KIF7: variants seen among roughly 807,000 people sequenced by gnomAD.
KIF7 encodes kinesin-like protein KIF7.
In KIF7, 104 loss-of-function variants were observed where a neutral mutation model predicts 135.7. The observed-to-expected ratio is 0.77, with a 90% CI of 0.65 to 0.90. The LOEUF is 0.90. Ranked by LOEUF, KIF7 falls within the 40% of genes least tolerant of loss-of-function variation. The pLI is 0.00. For missense variants in KIF7, 2,005 were observed against 1,839.1 expected (o/e 1.09, Z -1.65); for synonymous variants, 883 against 809.4 (o/e 1.09, Z -1.54).
chr15:89,631,464 C>T (rs1252010595), intron 15 of KIF7, 31 bp downstream of exon 15: 8 of 1,533,696 alleles, frequency 5.2e-6, no homozygotes, highest in Non-Finnish European at 7.1e-6. Flanking sequence ...ACAATGGCAC[C>T]AAGGGGCTGA....
rs375802364 is a variant in KIF7, at chr15:89,630,380, C to G, written c.3225G>C (p.Ser1075=). 1.2e-6 allele frequency: 2 copies of G among 1,614,026 alleles called. No individual in the cohort carries two copies. Among genetic ancestry groups the G allele is most frequent in the Non-Finnish European group, 1.7e-6 (2 of 1,179,968 alleles). The change falls in exon 16 of 19, where the codon TCG becomes TCC. Residue 1075 remains serine, a synonymous_variant. Transcript: ENST00000394412. ...GGTTCATCTCGCACTGGGACAGCAACGAGGCTGAGGCCCGAAGCACCCGCT... is the reference window on the plus strand; with the variant it reads ...GGTTCATCTCGCACTGGGACAGCAAGGAGGCTGAGGCCCGAAGCACCCGCT... The part of the protein sequence containing the change: ...CRQRVLRASA[S]LLSQCEMNLM...
downstream of KIF7, among the ~76,000 whole-genome samples, chr15:89,626,765 G>A (rs141295462): frequency 1.2e-4 from 18 of 152,262 alleles, no homozygotes; most frequent in African/African-American, 3.9e-4. Flanking sequence ...CTGCCAGCAC[G>A]GTGCATAGCT....
At position 89,648,249 on chromosome 15, in the gene KIF7, G is replaced by T. The variant is rs1320572980; in HGVS notation, c.1443+6C>A. On this transcript the variant is annotated splice_donor_region_variant and intron_variant, in intron 5 of 18. Transcript: ENST00000394412. ...CAACCACAACCACAACCTGTCCCTCGGCCACCTTTCGCCCGCCGGCCCCCT... is the reference window on the plus strand; with the variant it reads ...CAACCACAACCACAACCTGTCCCTCTGCCACCTTTCGCCCGCCGGCCCCCT... 1 of 1,511,882 alleles carries T rather than the reference G, an allele frequency of 6.6e-7. No homozygotes were observed. Among genetic ancestry groups the T allele is most frequent in the South Asian group, 1.2e-5 (1 of 82,800 alleles). The allele number at this position is 1,511,882 out of a possible 1,614,324, so 93.7% of individuals were successfully genotyped here. A position where few individuals can be genotyped will look rare whatever the true frequency, so the allele number is the denominator to read the frequency against.
At chr15:89,624,309 T>G (rs1169496831), downstream of KIF7, 1 of 1,614,202 alleles carries the variant, frequency 6.2e-7, no homozygotes, top group South Asian at 1.1e-5. Context: ...TAGAGTGTCC[T>G]TCCCCAGGAG....
chr15:89,623,757 G>T, downstream of KIF7: 4 of 1,613,934 alleles, frequency 2.5e-6, 1 homozygote, highest in South Asian at 4.4e-5. Context: ...CCCCTACAAA[G>T]CAGGCAGCTT....
intron 11 of KIF7, among the ~76,000 whole-genome samples, chr15:89,638,051 C>T (rs1242304791): frequency 9.5e-6 from 1 of 105,480 alleles, no homozygotes. Flanking sequence ...AGCATATAAA[C>T]AGAACCAAAG....
chr15:89,648,338 G>A lies in KIF7; in HGVS notation c.1360C>T (p.Leu454=), dbSNP rs794727743. ...LCAVEGERSA[L]SSASGPDSGI... is the part of the protein sequence containing the mutation. ...CTATCGGGCCCGGAGGCGGAGCTCA[G>A]GGCGCTGCGCTCGCCCTCGACGGCG... Residue 454 remains leucine (L), a synonymous_variant, in exon 5 of 19, where the codon CTG becomes TTG. Transcript: ENST00000394412. The A allele has an allele frequency of 4.0e-6, 6 of 1,491,454 alleles. No homozygotes were observed. The highest frequency in any genetic ancestry group is 5.4e-6 in the Non-Finnish European group (6 of 1,120,722). 92.4% of individuals were successfully genotyped at this position (1,491,454 alleles called of 1,614,324 possible).
chr15:89,642,160 C>A, intron 11 of KIF7, 43 bp downstream of exon 11: 1 of 1,589,326 alleles, frequency 6.3e-7, no homozygotes. Flanking sequence ...GCCTAGGAGG[C>A]AGGAGTCACC....
the KIF7 span, among the ~76,000 whole-genome samples, chr15:89,661,802 A>G: frequency 6.6e-6 from 1 of 151,692 alleles, no homozygotes; most frequent in Non-Finnish European, 1.5e-5. Flanking sequence ...GCTCACTGCA[A>G]CCTCCGCCTT....
At chr15:89,656,828 C>G (rs1964212221), upstream of KIF7, among the ~76,000 whole-genome samples, 1 of 152,150 alleles carries the variant, frequency 6.6e-6, no homozygotes, top group Admixed American at 6.5e-5. Flanking sequence ...CACTGTTGTT[C>G]CCAAATATTC....
chr15:89,625,957 G>A, downstream of KIF7: 2 of 1,588,270 alleles, frequency 1.3e-6, no homozygotes, highest in Non-Finnish European at 1.7e-6. Context: ...CCTCCCAGCT[G>A]TGCCGTGCGG....
intron 7 of KIF7, 139 bp downstream of exon 7, chr15:89,646,691 T>G: frequency 1.2e-6 from 1 of 801,400 alleles, no homozygotes; most frequent in Admixed American, 2.0e-5. Flanking sequence ...TGGGGACAGC[T>G]GAAAGCAGCC....
chr15:89,626,930 T>A (rs1963538994), downstream of KIF7: 1 of 1,611,300 alleles, frequency 6.2e-7, no homozygotes, highest in African/African-American at 1.3e-5. Flanking sequence ...GACTCCTGCA[T>A]GCTAAGCCTT....
Position 89,654,984 on chromosome 15 carries a change from T to C in KIF7, c.-25+415A>G, listed in dbSNP as rs75356034. Among the ~76,000 whole-genome samples, 117 of 152,262 alleles carry C rather than the reference T, an allele frequency of 7.7e-4. 1 individual carries two copies. In the East Asian group the frequency reaches 0.021, roughly 27 times the overall value. On this transcript the variant is annotated intron_variant, in intron 1 of 18. Coordinates refer to ENST00000394412, the MANE Select transcript of KIF7 (RefSeq NM_198525.3). ...AGTCCCGGCTTCCGCGCGCCCCTGC[T>C]CTCCGCACAGCGCTCCCGCTCCGAA...
intron 2 of KIF7, among the ~76,000 whole-genome samples, chr15:89,651,778 A>G (rs1964127741): frequency 2.0e-5 from 3 of 152,146 alleles, no homozygotes; most frequent in Admixed American, 2.0e-4. Flanking sequence ...TATGCTCCCC[A>G]AAATTCACAT....
Position 89,633,730 on chromosome 15 carries a change from G to A in KIF7, c.2548C>T (p.Arg850Trp), listed in dbSNP as rs200210231. ...TTGCTCATTTCTGCCTCCAGGCGCC[G>A]CTTCTGCTCCGTCTCCTCGCGAAGC... is the stretch of plus-strand genomic sequence containing the variant. Reference protein sequence around the residue: ...RRLREETEQKRRLEAEMSKRQ... With the variant: ...RRLREETEQKWRLEAEMSKRQ... The change falls in exon 12 of 19, where the codon CGG becomes TGG. Residue 850 changes from arginine (R) to tryptophan (W), a missense_variant. By Grantham distance (101) the Arg-to-Trp change is moderately radical. Transcript: ENST00000394412. 43 of 1,608,638 alleles carry A rather than the reference G, an allele frequency of 2.7e-5. No individual in the cohort carries two copies. The highest frequency in any genetic ancestry group is 2.0e-4 in the African/African-American group (15 of 74,924).
At chr15:89,620,147 A>G (rs1596057706) in intron 1 of KIF7, among the ~76,000 whole-genome samples, 2 of 152,130 alleles carry the variant, frequency 1.3e-5, no homozygotes, top group Non-Finnish European at 2.9e-5. Flanking sequence ...GTGGAAGGTG[A>G]TATCTGTGTT....
At chr15:89,644,575 C>T (rs1963977427) in intron 10 of KIF7, among the ~76,000 whole-genome samples, 1 of 151,858 alleles carries the variant, frequency 6.6e-6, no homozygotes, top group South Asian at 2.1e-4. Flanking sequence ...ATCCCAGCTA[C>T]TCGGGAGGCT....
At chr15:89,649,488 G>T in intron 3 of KIF7, 121 bp from the exon 4 acceptor site, 1 of 1,195,910 alleles carries the variant, frequency 8.4e-7, no homozygotes, top group Non-Finnish European at 1.1e-6. Flanking sequence ...CCCTCCCCAT[G>T]CCCACGGGGT....
Sources: gnomAD v4.1 joint callset for allele counts (sites outside exome capture counted in the v4.1 genomes callset) on GRCh38, gnomAD v4.1.1 for gene constraint, MANE v1.5 for transcripts, NCBI Gene and HGNC (gene_info 2026-07-23, HGNC 2026-07-21) for gene names.